The following CNTNAP2 variants were observed in gnomAD, a reference collection of about 807,000 sequenced individuals.
The protein encoded by CNTNAP2 is contactin-associated protein-like 2.
In CNTNAP2, 98 loss-of-function variants were observed where a neutral mutation model predicts 155.2. The ratio of observed to expected loss-of-function variants is 0.63; its 90% CI spans 0.54 to 0.75. The LOEUF (loss-of-function observed/expected upper bound fraction) is 0.75, where lower values mean the gene tolerates loss of function less well. Among genes scored for constraint, CNTNAP2 ranks in the 30% least tolerant of loss-of-function variants. The pLI, the probability that CNTNAP2 is intolerant of heterozygous loss-of-function variation, is 0.00. For missense variants in CNTNAP2, 1,727 were observed against 1,688.1 expected (o/e 1.02, Z -0.40); for synonymous variants, 651 against 631.2 (o/e 1.03, Z -0.47).
intron 13 of CNTNAP2, among the ~76,000 whole-genome samples, chr7:147,850,579 G>C (rs1252946876): frequency 2.6e-5 from 4 of 152,260 alleles, no homozygotes; most frequent in South Asian, 2.1e-4. Flanking sequence ...CAGATATATA[G>C]ACCAATGGAA....
intron 1 of CNTNAP2, among the ~76,000 whole-genome samples, chr7:146,515,891 A>G (rs1563115563): frequency 6.6e-6 from 1 of 152,080 alleles, no homozygotes; most frequent in Non-Finnish European, 1.5e-5. Context: ...TTGACATATC[A>G]TTAATCATTA....
intron 3 of CNTNAP2, among the ~76,000 whole-genome samples, chr7:146,991,625 G>A (rs1798208514): frequency 6.6e-6 from 1 of 152,172 alleles, no homozygotes; most frequent in South Asian, 2.1e-4. Context: ...CAAATTCTGG[G>A]CATACATAAG....
intron 10 of CNTNAP2, among the ~76,000 whole-genome samples, chr7:147,445,957 A>G (rs1015380522): frequency 2.0e-5 from 3 of 151,942 alleles, no homozygotes; most frequent in African/African-American, 7.3e-5. Flanking sequence ...GAGAAAATTT[A>G]AAGAGTGATC....
At chr7:147,029,333 A>T (rs1206634841) in intron 3 of CNTNAP2, among the ~76,000 whole-genome samples, 1 of 152,100 alleles carries the variant, frequency 6.6e-6, no homozygotes, top group Non-Finnish European at 1.5e-5. Context: ...AAGAATTTTA[A>T]AAAAGATTAT....
At chr7:146,583,418 T>A (rs1380393458) in intron 1 of CNTNAP2, among the ~76,000 whole-genome samples, 7 of 152,036 alleles carry the variant, frequency 4.6e-5, no homozygotes, top group Non-Finnish European at 8.8e-5. Flanking sequence ...GTCTGTGGGT[T>A]GAGGAGGGAA....
At chr7:146,364,807 T>G (rs973649532) in intron 1 of CNTNAP2, among the ~76,000 whole-genome samples, 28 of 152,332 alleles carry the variant, frequency 1.8e-4, no homozygotes, top group Non-Finnish European at 3.2e-4. Context: ...ACACATACAC[T>G]ACAGGAACCT....
chr7:146,472,950 A>C (rs1416681857), intron 1 of CNTNAP2, among the ~76,000 whole-genome samples: 1 of 150,072 alleles, frequency 6.7e-6, no homozygotes, highest in East Asian at 1.9e-4. Context: ...AGATACGTGA[A>C]GCCAAATGAT....
Position 147,020,869 on chromosome 7 carries a change from AC to A in CNTNAP2, c.403-23037del, listed in dbSNP as rs1187881002. ...GGAGTGGGATACACATAGTCAGAGA[AC>A]ACTAAGGTTGGGCAACAAAGAAAGA... On this transcript the variant is annotated intron_variant, in intron 3 of 23. Coordinates refer to ENST00000361727, the MANE Select transcript of CNTNAP2 (RefSeq NM_014141.6). Among the ~76,000 whole-genome samples, 4 of 152,188 alleles carry A rather than the reference AC, an allele frequency of 2.6e-5. No individual in the cohort carries two copies. The East Asian group carries it at 7.7e-4, about 29-fold the overall frequency.
At chr7:146,595,931 C>T (rs893951206) in intron 1 of CNTNAP2, among the ~76,000 whole-genome samples, 33 of 151,910 alleles carry the variant, frequency 2.2e-4, no homozygotes, top group African/African-American at 7.7e-4. Context: ...ATGGTAGTTG[C>T]TGAGGCCTTT....
chr7:147,357,633 C>G (rs1301564273), intron 9 of CNTNAP2, among the ~76,000 whole-genome samples: 3 of 152,088 alleles, frequency 2.0e-5, no homozygotes, highest in Admixed American at 6.6e-5. Context: ...ACAAACCTAT[C>G]CCACGTGTGA....
intron 1 of CNTNAP2, among the ~76,000 whole-genome samples, chr7:146,542,013 A>G (rs1252690132): frequency 6.6e-6 from 1 of 151,978 alleles, no homozygotes; most frequent in East Asian, 1.9e-4. Flanking sequence ...CATGAAAATA[A>G]ACATTTTTTT....
chr7:148,075,309 C>T (rs953293536), intron 15 of CNTNAP2, among the ~76,000 whole-genome samples: 1 of 152,056 alleles, frequency 6.6e-6, no homozygotes, highest in Non-Finnish European at 1.5e-5. Flanking sequence ...TGGTGGCAGG[C>T]ACTGGTAATC....
chr7:147,506,714 G>A (rs1798913172), intron 11 of CNTNAP2, among the ~76,000 whole-genome samples: 1 of 152,184 alleles, frequency 6.6e-6, no homozygotes, highest in Admixed American at 6.5e-5. Context: ...TCAAAGCTGG[G>A]CTTTAGCAGT....
intron 13 of CNTNAP2, among the ~76,000 whole-genome samples, chr7:147,880,384 G>A (rs1012765631): frequency 6.6e-6 from 1 of 152,198 alleles, no homozygotes; most frequent in Middle Eastern, 3.2e-3. Flanking sequence ...TGACTTTTAT[G>A]TGCATTTGAA....
chr7:146,218,097 A>G (rs1430353864), intron 1 of CNTNAP2, among the ~76,000 whole-genome samples: 3 of 152,202 alleles, frequency 2.0e-5, no homozygotes, highest in Admixed American at 2.0e-4. Flanking sequence ...TTTTAGTCAT[A>G]GAATCTGAAT....
At chr7:147,230,180 G>C (rs560497790) in intron 8 of CNTNAP2, among the ~76,000 whole-genome samples, 2 of 152,092 alleles carry the variant, frequency 1.3e-5, no homozygotes, top group East Asian at 3.8e-4. Flanking sequence ...TTGCATCCAA[G>C]ATCTCAGGAG....
intron 8 of CNTNAP2, among the ~76,000 whole-genome samples, chr7:147,152,736 T>A (rs1801851655): frequency 6.6e-6 from 1 of 152,166 alleles, no homozygotes; most frequent in Non-Finnish European, 1.5e-5. Flanking sequence ...TAGACAAATA[T>A]ATACTGTAAA....
chr7:146,639,844 C>G (rs757109194), intron 1 of CNTNAP2, among the ~76,000 whole-genome samples: 1 of 152,298 alleles, frequency 6.6e-6, no homozygotes, highest in African/African-American at 2.4e-5. Flanking sequence ...AGTCTTTGTC[C>G]ACATCACAGC....
intron 9 of CNTNAP2, among the ~76,000 whole-genome samples, chr7:147,364,006 A>C (rs1052304839): frequency 6.6e-6 from 1 of 152,170 alleles, no homozygotes; most frequent in African/African-American, 2.4e-5. Flanking sequence ...TAACTTGTAG[A>C]AGATCACTGA....
Sources: gnomAD v4.1 joint callset for allele counts (sites outside exome capture counted in the v4.1 genomes callset) on GRCh38, gnomAD v4.1.1 for gene constraint, MANE v1.5 for transcripts, NCBI Gene and HGNC (gene_info 2026-07-23, HGNC 2026-07-21) for gene names.